BTBD9: variants seen among roughly 807,000 people sequenced by gnomAD.
BTBD9 encodes the protein BTB/POZ domain-containing protein 9.
Under a neutral mutation model 64.3 loss-of-function variants are expected in BTBD9, and 49 were observed. The observed-to-expected ratio is 0.76, with a 90% CI of 0.61 to 0.97. The LOEUF is 0.97. Among genes scored for constraint, BTBD9 ranks in the 50% least tolerant of loss-of-function variants. BTBD9 has a pLI of 0.00. For synonymous variants in BTBD9, 260 were observed against 274.7 expected, an observed-to-expected ratio of 0.95 and a Z score of 0.53; for missense variants, 598 against 762.1, an observed-to-expected ratio of 0.78 and a Z score of 2.53.
At chr6:38,630,113 C>G (rs1010642860) in intron 1 of BTBD9, among the ~76,000 whole-genome samples, 23 of 149,434 alleles carry the variant, frequency 1.5e-4, no homozygotes, top group African/African-American at 5.4e-4. Context: ...GAGGCTGAGG[C>G]AGGAGAATTG....
At chr6:38,562,292 G>A (rs888366105) in intron 6 of BTBD9, among the ~76,000 whole-genome samples, 2 of 152,016 alleles carry the variant, frequency 1.3e-5, no homozygotes, top group Non-Finnish European at 2.9e-5. Context: ...TCCTGAATCC[G>A]TTTAATCAGT....
chr6:38,473,716 T>C (rs906663519), intron 6 of BTBD9, among the ~76,000 whole-genome samples: 13 of 152,186 alleles, frequency 8.5e-5, no homozygotes, highest in African/African-American at 3.1e-4. Context: ...CCTGCCTTCA[T>C]GGAGCTTACA....
chr6:38,323,925 CTG>C (rs542588267), intron 7 of BTBD9, among the ~76,000 whole-genome samples: 34 of 152,190 alleles, frequency 2.2e-4, no homozygotes, highest in Admixed American at 6.5e-4. Flanking sequence ...TAAGCAGACT[CTG>C]TCTCTACACT....
At chr6:38,483,942 A>G (rs1771280162) in intron 6 of BTBD9, among the ~76,000 whole-genome samples, 2 of 152,162 alleles carry the variant, frequency 1.3e-5, no homozygotes, top group South Asian at 2.1e-4. Flanking sequence ...AGTCAGTATC[A>G]CATTTATTTC....
chr6:38,219,487 C>T (rs1582069025), intron 9 of BTBD9, among the ~76,000 whole-genome samples: 1 of 151,970 alleles, frequency 6.6e-6, no homozygotes, highest in Admixed American at 6.6e-5. Context: ...TACTGAATCA[C>T]CCACCTAGGT....
chr6:38,617,071 G>C (rs1463600800), intron 1 of BTBD9, among the ~76,000 whole-genome samples: 1 of 152,196 alleles, frequency 6.6e-6, no homozygotes, highest in Non-Finnish European at 1.5e-5. Flanking sequence ...CTGTCAGCCA[G>C]TTAAAAGTGA....
At chr6:38,595,963 GA>G in intron 2 of BTBD9, 1 of 985,356 alleles carries the variant, frequency 1.0e-6, no homozygotes, top group Non-Finnish European at 1.2e-6. Context: ...TGGTTTTGAT[GA>G]GGCTCCCTTG....
chr6:38,587,609 G>A (rs564458110), intron 4 of BTBD9: 40 of 582,910 alleles, frequency 6.9e-5, no homozygotes, highest in Admixed American at 2.9e-4. Context: ...AATGGCCAAC[G>A]AAGACCCCTT....
At chr6:38,573,866 G>T (rs953502869) in intron 6 of BTBD9, among the ~76,000 whole-genome samples, 1 of 152,074 alleles carries the variant, frequency 6.6e-6, no homozygotes, top group African/African-American at 2.4e-5. Flanking sequence ...TACTAGGCTC[G>T]ATCATCTAAG....
intron 4 of BTBD9, among the ~76,000 whole-genome samples, chr6:38,592,125 T>G (rs1224343542): frequency 2.0e-5 from 3 of 150,296 alleles, no homozygotes; most frequent in Non-Finnish European, 4.4e-5. Context: ...GAGGTTGCAG[T>G]GAGCCGAGAT....
intron 10 of BTBD9, 74 bp from the exon 11 acceptor site, chr6:38,175,256 A>G (rs1211946719): frequency 6.6e-7 from 1 of 1,507,710 alleles, no homozygotes; most frequent in Non-Finnish European, 9.1e-7. Flanking sequence ...AAGTTGGGAT[A>G]CTGCCCTGCC....
intron 6 of BTBD9, among the ~76,000 whole-genome samples, chr6:38,536,200 A>T (rs1209101428): frequency 6.6e-6 from 1 of 152,174 alleles, no homozygotes. Context: ...AAGACATACA[A>T]ATGGCAAACA....
chr6:38,441,303 T>G (rs1020678449), intron 6 of BTBD9, among the ~76,000 whole-genome samples: 1 of 152,138 alleles, frequency 6.6e-6, no homozygotes, highest in African/African-American at 2.4e-5. Flanking sequence ...CCTCCCCATT[T>G]GTTTGCCAAT....
At chr6:38,439,929 T>C (rs969365516) in intron 6 of BTBD9, among the ~76,000 whole-genome samples, 1 of 152,158 alleles carries the variant, frequency 6.6e-6, no homozygotes, top group Non-Finnish European at 1.5e-5. Flanking sequence ...GACAGAATGA[T>C]GGCCTAAGCA....
intron 8 of BTBD9, among the ~76,000 whole-genome samples, chr6:38,269,780 C>T (rs970431404): frequency 6.6e-6 from 1 of 152,180 alleles, no homozygotes; most frequent in Non-Finnish European, 1.5e-5. Context: ...GTTGAGGGAA[C>T]ATCAGACAGG....
chr6:38,346,709 C>T (rs1764289457), intron 6 of BTBD9, among the ~76,000 whole-genome samples: 1 of 152,186 alleles, frequency 6.6e-6, no homozygotes, highest in Admixed American at 6.5e-5. Flanking sequence ...GTGACAATCT[C>T]CCTGGTGCTT....
At chr6:38,591,963 T>A (rs113580370) in intron 4 of BTBD9, among the ~76,000 whole-genome samples, 2 of 152,076 alleles carry the variant, frequency 1.3e-5, no homozygotes, top group Non-Finnish European at 2.9e-5. Flanking sequence ...GGCAGGTGGA[T>A]CACCTGAGGT....
At position 38,169,341 on chromosome 6, in the gene BTBD9, A is replaced by T. The variant is rs879356840; in HGVS notation, c.*5644T>A. On this transcript the variant is annotated 3_prime_UTR_variant, in exon 11 of 11. Transcript: ENST00000481247. Reference sequence around the variant, plus strand: ...CAGGGGCTGTGGTGCAGGAGCAGCCACCAGGGCAGCACCAGGAGGCAAAGG... The same window carrying T: ...CAGGGGCTGTGGTGCAGGAGCAGCCTCCAGGGCAGCACCAGGAGGCAAAGG... 1 of 152,382 alleles carries T rather than the reference A, an allele frequency of 6.6e-6. No homozygotes were observed. Among genetic ancestry groups the T allele is most frequent in the Non-Finnish European group, 1.5e-5 (1 of 68,172 alleles). The allele number at this position is 152,382 out of a possible 1,614,324, so 9.4% of individuals were successfully genotyped here. A position where few individuals can be genotyped will look rare whatever the true frequency, so the allele number is the denominator to read the frequency against.
intron 9 of BTBD9, among the ~76,000 whole-genome samples, chr6:38,254,991 C>G (rs1481993674): frequency 1.3e-5 from 2 of 152,002 alleles, no homozygotes; most frequent in Non-Finnish European, 2.9e-5. Context: ...TTCATGATAG[C>G]CAAGAAGTGG....
Sources: gnomAD v4.1 joint callset for allele counts (sites outside exome capture counted in the v4.1 genomes callset) on GRCh38, gnomAD v4.1.1 for gene constraint, MANE v1.5 for transcripts, NCBI Gene and HGNC (gene_info 2026-07-23, HGNC 2026-07-21) for gene names.